The following STOML3 variants were observed in gnomAD, a reference collection of about 807,000 sequenced individuals.
STOML3 encodes stomatin-like protein 3.
STOML3 carries 31 observed loss-of-function variants against 29.5 expected under a neutral mutation model. That is an observed-to-expected ratio of 1.05 (90% CI 0.79 to 1.42). The LOEUF is 1.42. Among genes scored for constraint, STOML3 ranks in the 40% most tolerant of loss-of-function variants. STOML3 has a pLI of 0.00. For missense variants in STOML3, 380 were observed against 363.0 expected, an observed-to-expected ratio of 1.05 and a Z score of -0.38; for synonymous variants, 122 against 139.8, an observed-to-expected ratio of 0.87 and a Z score of 0.90.
chr13:38,976,406 A>C (rs1881073694), intron 3 of STOML3, 134 bp downstream of exon 3: 1 of 943,618 alleles, frequency 1.1e-6, no homozygotes, highest in Non-Finnish European at 1.6e-6. Context: ...CTGTTGTACC[A>C]AAAGGCAAGA....
chr13:38,967,743 C>T (rs1365485974), intron 6 of STOML3, among the ~76,000 whole-genome samples: 2 of 152,162 alleles, frequency 1.3e-5, no homozygotes, highest in Admixed American at 6.5e-5. Flanking sequence ...AAAGAAACAC[C>T]TTCATCAGCT....
In STOML3 at chr13:38,972,626, C is replaced by T. The variant is rs140160219; in HGVS notation, c.230-32G>A. 511 of 1,602,024 alleles carry T rather than the reference C, an allele frequency of 3.2e-4. 3 individuals are homozygous for T. The African/African-American group carries it at 6.4e-3, about 20-fold the overall frequency. On this transcript the variant is annotated intron_variant, in intron 3 of 6. Coordinates refer to ENST00000379631, the MANE Select transcript of STOML3 (RefSeq NM_145286.3). ...GAGAAAAAATCAGTTTAAAATGTTG[C>T]TCTGTTGAAAATAACTACAAGTAGT... is the stretch of plus-strand genomic sequence containing the variant.
chr13:38,972,045 T>A (rs1004131661), intron 4 of STOML3, among the ~76,000 whole-genome samples: 1 of 152,184 alleles, frequency 6.6e-6, no homozygotes, highest in Non-Finnish European at 1.5e-5. Context: ...AACACAGAAA[T>A]AATTTAAAGT....
intron 1 of STOML3, 89 bp from the exon 2 acceptor site, chr13:38,976,886 C>T: frequency 1.8e-6 from 2 of 1,087,894 alleles, no homozygotes; most frequent in Non-Finnish European, 2.8e-6. Flanking sequence ...ATCCAGACAG[C>T]TGGCCAAGCC....
At chr13:38,988,382 T>G (rs1395785817) in intron 1 of STOML3, among the ~76,000 whole-genome samples, 3 of 102,020 alleles carry the variant, frequency 2.9e-5, no homozygotes, top group Non-Finnish European at 5.1e-5. Flanking sequence ...TATTATATTT[T>G]ATATCATATA....
intron 4 of STOML3, among the ~76,000 whole-genome samples, chr13:38,970,886 C>G (rs935291761): frequency 6.6e-6 from 1 of 152,114 alleles, no homozygotes; most frequent in Admixed American, 6.5e-5. Context: ...ATCAATCATT[C>G]TGAATAATGT....
intron 1 of STOML3, among the ~76,000 whole-genome samples, chr13:38,987,350 T>G (rs1413895572): frequency 6.6e-6 from 1 of 151,958 alleles, no homozygotes; most frequent in African/African-American, 2.4e-5. Context: ...TGATGAAACC[T>G]GATTTCTACA....
chr13:38,967,038 A>G lies in STOML3; in HGVS notation c.663T>C (p.Ala221=), dbSNP rs1880682515. 6.2e-7 allele frequency: 1 copy of G among 1,613,606 alleles called. No individual in the cohort carries two copies. ...TREARAKVLA[A]EGEMNASKSL... ...ATTTGGAAGCATTCATTTCTCCTTC[A>G]GCTGCAAGGACCTGAAATGACAGAA... Residue 221 remains alanine, a synonymous_variant, in exon 7 of 7, where the codon GCT becomes GCC. Coordinates refer to ENST00000379631, the MANE Select transcript of STOML3 (RefSeq NM_145286.3).
chr13:38,968,818 G>A (rs1880759819), intron 5 of STOML3, among the ~76,000 whole-genome samples: 1 of 152,070 alleles, frequency 6.6e-6, no homozygotes, highest in African/African-American at 2.4e-5. Flanking sequence ...ATCCCAAGGA[G>A]GTATATGAGA....
intron 1 of STOML3, among the ~76,000 whole-genome samples, chr13:38,988,015 TATATA>T (rs1868695585): frequency 9.2e-6 from 1 of 109,278 alleles, no homozygotes; most frequent in Non-Finnish European, 1.7e-5. Flanking sequence ...ATATATTTTA[TATATA>T]ATATATTATA....
Position 38,966,863 on chromosome 13 carries a change from T to C in STOML3, c.838A>G (p.Ser280Gly). 9 of 1,613,778 alleles carry C rather than the reference T, an allele frequency of 5.6e-6. No homozygotes were observed. Among genetic ancestry groups the C allele is most frequent in the Non-Finnish European group, 6.8e-6 (8 of 1,180,024 alleles). The stretch of plus-strand genomic sequence containing the variant: ...GGAAGCTTCTTGTGGTTATCATAGC[T>C]GACGCCACCAATGCCCTCTAGTATA... The part of the protein sequence containing the change: ...MNILEGIGGV[S>G]YDNHKKLPNK... The change falls in exon 7 of 7, where the codon AGC becomes GGC. Residue 280 changes from serine to glycine, a missense_variant. Physicochemically the swap from Ser to Gly is moderately conservative, Grantham distance 56 (BLOSUM62 0). Transcript: ENST00000379631.
At chr13:38,989,115 G>C (rs1868890772) in intron 1 of STOML3, among the ~76,000 whole-genome samples, 1 of 150,908 alleles carries the variant, frequency 6.6e-6, no homozygotes, top group Non-Finnish European at 1.5e-5. Flanking sequence ...CTCAGAGAAT[G>C]GTCCACACTG....
chr13:38,988,399 A>G (rs1392692905), intron 1 of STOML3, among the ~76,000 whole-genome samples: 4 of 95,548 alleles, frequency 4.2e-5, no homozygotes, highest in African/African-American at 2.0e-4. Flanking sequence ...TATATTTTAT[A>G]TAAAATATAT....
chr13:38,982,250 AAAT>A (rs1434239439), intron 1 of STOML3, among the ~76,000 whole-genome samples: 1 of 152,000 alleles, frequency 6.6e-6, no homozygotes. Context: ...TTTAAAAAAA[AAAT>A]AATAATAATA....
intron 1 of STOML3, among the ~76,000 whole-genome samples, chr13:38,987,964 A>C (rs191707660): frequency 0.076 from 5,028 of 66,180 alleles, 461 homozygotes; most frequent in African/African-American, 0.22. Context: ...TATTTTATAT[A>C]ATATATTATA....
At chr13:38,974,225 A>G (rs146939002) in intron 3 of STOML3, among the ~76,000 whole-genome samples, 2 of 152,234 alleles carry the variant, frequency 1.3e-5, no homozygotes, top group Admixed American at 6.5e-5. Context: ...GGACACTAAT[A>G]TATTTCCATT....
chr13:38,978,064 A>T (rs1462974025), intron 1 of STOML3, among the ~76,000 whole-genome samples: 3 of 150,838 alleles, frequency 2.0e-5, no homozygotes, highest in Non-Finnish European at 4.4e-5. Flanking sequence ...CCGGCCAGGG[A>T]TCCTTGTTTG....
chr13:38,989,712 G>C (rs151330866), intron 1 of STOML3, among the ~76,000 whole-genome samples: 219 of 152,188 alleles, frequency 1.4e-3, no homozygotes, highest in Non-Finnish European at 2.7e-3. Flanking sequence ...GCCCAGGCTG[G>C]TCTCGAACTC....
intron 1 of STOML3, among the ~76,000 whole-genome samples, chr13:38,984,737 T>C (rs569143613): frequency 3.3e-5 from 5 of 152,318 alleles, no homozygotes; most frequent in African/African-American, 9.6e-5. Context: ...TCTCAGAATG[T>C]ATCCTCATTG....
Sources: gnomAD v4.1 joint callset for allele counts (sites outside exome capture counted in the v4.1 genomes callset) on GRCh38, gnomAD v4.1.1 for gene constraint, MANE v1.5 for transcripts, NCBI Gene and HGNC (gene_info 2026-07-23, HGNC 2026-07-21) for gene names.